Variants in OSBPL1A observed in about 807,000 individuals in gnomAD.
OSBPL1A encodes oxysterol-binding protein-related protein 1.
Under a neutral mutation model 137.1 loss-of-function variants are expected in OSBPL1A, and 80 were observed. The observed-to-expected ratio is 0.58, with a 90% CI of 0.49 to 0.70. The LOEUF (loss-of-function observed/expected upper bound fraction) is 0.70, where lower values mean the gene tolerates loss of function less well. Ranked by LOEUF, OSBPL1A falls within the 30% of genes least tolerant of loss-of-function variation. The pLI is 0.00. For synonymous variants in OSBPL1A, 365 were observed against 389.7 expected, an observed-to-expected ratio of 0.94 and a Z score of 0.75; for missense variants, 970 against 1,129.4, an observed-to-expected ratio of 0.86 and a Z score of 2.02.
At chr18:24,272,063 CGCCGCTGGCGG>C (rs2089736633) in intron 15 of OSBPL1A, 1 of 982,690 alleles carries the variant, frequency 1.0e-6, no homozygotes, top group African/African-American at 1.8e-5. Context: ...CCTTCCCCAG[CGCCGCTGGCGG>C]GCGGAGGCGC....
chr18:24,203,333 C>T (rs536758749), intron 17 of OSBPL1A, among the ~76,000 whole-genome samples: 5 of 152,194 alleles, frequency 3.3e-5, no homozygotes, highest in Admixed American at 1.3e-4. Context: ...CAAGCTAGAC[C>T]TCTCCTCCTG....
intron 15 of OSBPL1A, among the ~76,000 whole-genome samples, chr18:24,279,250 TAAAAAAAAAA>T (rs565359517): frequency 8.0e-6 from 1 of 125,396 alleles, no homozygotes; most frequent in African/African-American, 3.0e-5. Context: ...CCCATTTCTT[TAAAAAAAAAA>T]AAAAAAAAAA....
chr18:24,164,420 G>GGTTTTTTTTTTTTTT (rs199563115), intron 27 of OSBPL1A, among the ~76,000 whole-genome samples: 2 of 95,970 alleles, frequency 2.1e-5, no homozygotes, highest in Non-Finnish European at 1.9e-5. Flanking sequence ...GAGATTTTTG[G>GGTTTTTTTTTTTTTT]TTTTTTTTTT....
At chr18:24,221,946 A>G (rs2087907436) in intron 17 of OSBPL1A, among the ~76,000 whole-genome samples, 1 of 152,190 alleles carries the variant, frequency 6.6e-6, no homozygotes, top group Non-Finnish European at 1.5e-5. Flanking sequence ...ATGGCAGCCT[A>G]GCCAAACTTT....
At chr18:24,260,288 A>G (rs1026752865) in intron 15 of OSBPL1A, among the ~76,000 whole-genome samples, 20 of 152,222 alleles carry the variant, frequency 1.3e-4, no homozygotes, top group African/African-American at 4.6e-4. Flanking sequence ...TAGAAACACC[A>G]TCTAACCCAG....
Position 24,393,491 on chromosome 18 carries a change from C to T in OSBPL1A, c.-3+4164G>A, listed in dbSNP as rs373994001. 8.5e-5 allele frequency among the ~76,000 whole-genome samples: 13 copies of T among 152,174 alleles called. No homozygotes were observed. In the East Asian group the frequency reaches 1.5e-3, roughly 18 times the overall value. ...TTTTTGAGACGGAGTCTCGCTCTGTCGCCTAGGCTGGAGTGCAGTGGCACG... is the reference window on the plus strand; with the variant it reads ...TTTTTGAGACGGAGTCTCGCTCTGTTGCCTAGGCTGGAGTGCAGTGGCACG... On this transcript the variant is annotated intron_variant, in intron 1 of 27. Transcript: ENST00000319481.
At chr18:24,252,353 A>C (rs1004070890) in intron 15 of OSBPL1A, among the ~76,000 whole-genome samples, 1 of 152,192 alleles carries the variant, frequency 6.6e-6, no homozygotes, top group Non-Finnish European at 1.5e-5. Flanking sequence ...CATTCAGTGG[A>C]GCTCCAATAC....
Position 24,166,585 on chromosome 18 carries a change from C to T in OSBPL1A, c.2653G>A (p.Glu885Lys). ...TTTGGCGGATGCTAGTTACCTATCT[C>T]TCCATTTTCCATGGCTCTGATGTCA... is the stretch of plus-strand genomic sequence containing the variant. ...RPDIRAMENG[E>K]IDQASEEKKR... Residue 885 changes from glutamate (E) to lysine (K), a missense_variant, in exon 26 of 28, where the codon GAG becomes AAG. By Grantham distance (56) the Glu-to-Lys change is moderately conservative (BLOSUM62 1). Coordinates refer to ENST00000319481, the MANE Select transcript of OSBPL1A (RefSeq NM_080597.4). 6.2e-7 allele frequency: 1 copy of T among 1,609,290 alleles called. No individual in the cohort carries two copies. Among genetic ancestry groups the T allele is most frequent in the Non-Finnish European group, 8.5e-7 (1 of 1,178,648 alleles).
chr18:24,250,178 GTTTGTTTGTTT>G (rs1275522537), intron 15 of OSBPL1A, among the ~76,000 whole-genome samples: 1,227 of 79,558 alleles, frequency 0.015, 20 homozygotes, highest in African/African-American at 0.046. Context: ...TTGTTTGTTT[GTTTGTTTGTTT>G]TTTTTGACAT....
At chr18:24,191,779 G>A (rs555295908) in intron 18 of OSBPL1A, among the ~76,000 whole-genome samples, 1 of 152,314 alleles carries the variant, frequency 6.6e-6, no homozygotes, top group Non-Finnish European at 1.5e-5. Flanking sequence ...AGAGATGATA[G>A]CTGAAGGTAT....
intron 1 of OSBPL1A, among the ~76,000 whole-genome samples, chr18:24,387,303 C>A (rs1026213954): frequency 6.6e-6 from 1 of 151,984 alleles, no homozygotes; most frequent in Non-Finnish European, 1.5e-5. Flanking sequence ...GATCCACCTG[C>A]CTTGGTCTCC....
chr18:24,325,614 G>A (rs1326098146), intron 7 of OSBPL1A, among the ~76,000 whole-genome samples: 1 of 152,010 alleles, frequency 6.6e-6, no homozygotes, highest in Non-Finnish European at 1.5e-5. Context: ...TTATTTTCCT[G>A]CACCTCATGG....
chr18:24,214,987 G>C (rs968897454), intron 17 of OSBPL1A, among the ~76,000 whole-genome samples: 1 of 152,172 alleles, frequency 6.6e-6, no homozygotes, highest in Non-Finnish European at 1.5e-5. Flanking sequence ...GTTTATAAAT[G>C]ATCTGAGATG....
intron 7 of OSBPL1A, among the ~76,000 whole-genome samples, chr18:24,324,839 G>C (rs1268903709): frequency 6.8e-6 from 1 of 147,948 alleles, no homozygotes; most frequent in Admixed American, 6.8e-5. Flanking sequence ...TGTTATCCCA[G>C]CACTTTCAGA....
intron 15 of OSBPL1A, chr18:24,272,206 G>GC: frequency 1.0e-6 from 1 of 983,630 alleles, no homozygotes; most frequent in Non-Finnish European, 1.2e-6. Context: ...TGTGCGCTCG[G>GC]CCCTCTCCTG....
intron 2 of OSBPL1A, among the ~76,000 whole-genome samples, chr18:24,371,170 C>G (rs925416117): frequency 6.6e-6 from 1 of 152,114 alleles, no homozygotes; most frequent in Non-Finnish European, 1.5e-5. Context: ...ACACCCAGGT[C>G]GCTAACCAAC....
chr18:24,387,280 C>G (rs4517868), intron 1 of OSBPL1A, among the ~76,000 whole-genome samples: 13,462 of 152,062 alleles, frequency 0.089, 869 homozygotes, highest in Admixed American at 0.21. Context: ...GGTCTTGAAT[C>G]CTGGGCTCAA....
chr18:24,198,053 G>A lies in OSBPL1A; in HGVS notation c.1602-1853C>T, dbSNP rs558960422. Among the ~76,000 whole-genome samples, 12 of 152,194 alleles carry A rather than the reference G, an allele frequency of 7.9e-5. No homozygotes were observed. In the East Asian group the frequency reaches 2.1e-3, roughly 27 times the overall value. On this transcript the variant is annotated intron_variant, in intron 17 of 27. Transcript: ENST00000319481. ...TCTACCTGCCTCGGCCTCCCAAAGT[G>A]CTGGGATTACAGGCGTGAGCTACCG...
At position 24,271,922 on chromosome 18, in the gene OSBPL1A, C is replaced by A; in HGVS notation, c.1281+8920G>T. The stretch of plus-strand genomic sequence containing the variant: ...GCCCGGGCCGCAGAGGTCTGCGCTG[C>A]CCCTCCGCCGCCGCTGGCTCGGCCG... On this transcript the variant is annotated intron_variant, in intron 15 of 27. Transcript: ENST00000319481. This position sits in a 1 kb window ranked among gnomAD's most constrained non-coding sequence, Gnocchi z 4.0. 1 of 983,772 alleles carries A rather than the reference C, an allele frequency of 1.0e-6. No individual in the cohort carries two copies. Among genetic ancestry groups the A allele is most frequent in the Non-Finnish European group, 1.2e-6 (1 of 829,458 alleles). 60.9% of individuals were successfully genotyped at this position (983,772 alleles called of 1,614,324 possible). A position where few individuals can be genotyped will look rare whatever the true frequency, so the allele number is the denominator to read the frequency against.
Sources: gnomAD v4.1 joint callset for allele counts (sites outside exome capture counted in the v4.1 genomes callset) on GRCh38, gnomAD v4.1.1 for gene constraint, Gnocchi (gnomAD v3.1) non-coding constraint, MANE v1.5 for transcripts, NCBI Gene and HGNC (gene_info 2026-07-23, HGNC 2026-07-21) for gene names.